Variants in OSGIN2 observed in about 807,000 individuals in gnomAD.
The protein encoded by OSGIN2 is oxidative stress induced growth inhibitor family member 2.
OSGIN2 carries 19 observed loss-of-function variants against 53.8 expected under a neutral mutation model. The ratio of observed to expected loss-of-function variants is 0.35; its 90% confidence interval spans 0.25 to 0.52. The LOEUF is 0.52. Among genes scored for constraint, OSGIN2 ranks in the 20% least tolerant of loss-of-function variants. The pLI is 0.95. For missense variants in OSGIN2, 520 were observed against 662.7 expected (o/e 0.78, Z 2.36); for synonymous variants, 236 against 236.0 (o/e 1.00, Z 0.00).
chr8:89,910,121 T>C (rs1028594750), intron 2 of OSGIN2, among the ~76,000 whole-genome samples: 1 of 152,182 alleles, frequency 6.6e-6, no homozygotes. Flanking sequence ...GACACAGATG[T>C]TGAGTAACGT....
At chr8:89,909,760 T>C (rs755524482) in intron 2 of OSGIN2, 39 bp downstream of exon 2, 2 of 1,317,284 alleles carry the variant, frequency 1.5e-6, no homozygotes, top group South Asian at 1.3e-5. Flanking sequence ...TTATAGTTAA[T>C]GACCCTTAAT....
At chr8:89,904,804 CTG>C (rs1808801218) in intron 1 of OSGIN2, among the ~76,000 whole-genome samples, 2 of 152,098 alleles carry the variant, frequency 1.3e-5, no homozygotes. Flanking sequence ...CAGAGTGAGA[CTG>C]TCTCAAAAAA....
At chr8:89,910,724 T>G (rs1214676366) in intron 2 of OSGIN2, among the ~76,000 whole-genome samples, 3 of 152,350 alleles carry the variant, frequency 2.0e-5, no homozygotes, top group Middle Eastern at 3.4e-3. Flanking sequence ...GAATCCTGTC[T>G]TCTTGTGTGG....
chr8:89,912,388 C>T (rs920725181), intron 2 of OSGIN2, among the ~76,000 whole-genome samples: 6 of 152,228 alleles, frequency 3.9e-5, no homozygotes, highest in East Asian at 1.9e-4. Context: ...GAGACCATGG[C>T]GTTGCAGTAA....
At chr8:89,903,716 GCAA>G (rs971128408) in intron 1 of OSGIN2, among the ~76,000 whole-genome samples, 3 of 152,246 alleles carry the variant, frequency 2.0e-5, no homozygotes, top group South Asian at 4.1e-4. Context: ...TAAAATATAA[GCAA>G]CAAATCACAG....
At position 89,926,572 on chromosome 8, in the gene OSGIN2, C is replaced by T. The variant is rs1209259415; in HGVS notation, c.*1040C>T. 6.6e-6 allele frequency: 1 copy of T among 152,488 alleles called. No individual in the cohort carries two copies. The highest frequency in any genetic ancestry group is 2.4e-5 in the African/African-American group (1 of 41,424). The allele number at this position is 152,488 out of a possible 1,614,324, so 9.4% of individuals were successfully genotyped here. On this transcript the variant is annotated 3_prime_UTR_variant, in exon 6 of 6. Coordinates refer to ENST00000451899, the MANE Select transcript of OSGIN2 (RefSeq NM_001126111.3). Reference sequence around the variant, plus strand: ...ATTCCAAAGGTGTACTTAGAGATCTCTATTAGTATTCATTCGAGATGACAT... The same window carrying T: ...ATTCCAAAGGTGTACTTAGAGATCTTTATTAGTATTCATTCGAGATGACAT...
At position 89,914,740 on chromosome 8, in the gene OSGIN2, T is replaced by C. The variant is rs945482458; in HGVS notation, c.522T>C (p.Ala174=). ...VVLGKGPPGG[A]WHNMEGSMLT... Reference sequence around the variant, plus strand: ...TTGGTAAAGGTCCACCTGGTGGGGCTTGGCATGTGAGTATATTTTTCTTAG... The same window carrying C: ...TTGGTAAAGGTCCACCTGGTGGGGCCTGGCATGTGAGTATATTTTTCTTAG... The change falls in exon 4 of 6, where the codon GCT becomes GCC. Residue 174 remains alanine, a synonymous_variant. Coordinates refer to ENST00000451899, the MANE Select transcript of OSGIN2 (RefSeq NM_001126111.3). 1 of 1,611,962 alleles carries C rather than the reference T, an allele frequency of 6.2e-7. No individual in the cohort carries two copies. Among genetic ancestry groups the C allele is most frequent in the Admixed American group, 1.7e-5 (1 of 59,940 alleles).
chr8:89,911,671 AC>A, intron 2 of OSGIN2, among the ~76,000 whole-genome samples: 1 of 149,268 alleles, frequency 6.7e-6, no homozygotes, highest in Admixed American at 6.7e-5. Context: ...CTGGTAGCTC[AC>A]ACCTGTAATC....
chr8:89,912,415 C>T (rs1808985520), intron 2 of OSGIN2, among the ~76,000 whole-genome samples: 1 of 152,108 alleles, frequency 6.6e-6, no homozygotes, highest in South Asian at 2.1e-4. Flanking sequence ...TGACACAAGG[C>T]CAGCCCATGT....
chr8:89,905,197 T>C (rs1298604412), intron 1 of OSGIN2, among the ~76,000 whole-genome samples: 2 of 152,206 alleles, frequency 1.3e-5, no homozygotes, highest in Non-Finnish European at 2.9e-5. Flanking sequence ...TGCTGTAATG[T>C]TTCAAAAACA....
In OSGIN2 at chr8:89,902,773, G is replaced by C. The variant is rs1172795627; in HGVS notation, c.-21G>C. 3 of 1,237,174 alleles carry C rather than the reference G, an allele frequency of 2.4e-6. No homozygotes were observed. Among genetic ancestry groups the C allele is most frequent in the East Asian group, 3.2e-5 (1 of 30,938 alleles). The allele number at this position is 1,237,174 out of a possible 1,614,324, so 76.6% of individuals were successfully genotyped here. On this transcript the variant is annotated 5_prime_UTR_variant, in exon 1 of 6. Transcript: ENST00000451899. Reference sequence around the variant, plus strand: ...AGGCGGCCACGGCGGCCGCGCTCGGGCGCCCCTCGCGCAGCGCTCCATGCC... The same window carrying C: ...AGGCGGCCACGGCGGCCGCGCTCGGCCGCCCCTCGCGCAGCGCTCCATGCC...
chr8:89,905,966 G>A (rs1348525962), intron 1 of OSGIN2, among the ~76,000 whole-genome samples: 5 of 150,666 alleles, frequency 3.3e-5, no homozygotes, highest in Non-Finnish European at 2.9e-5. Context: ...AAATACATAA[G>A]AATAAATTTA....
chr8:89,917,069 T>C (rs981536587), intron 4 of OSGIN2, among the ~76,000 whole-genome samples: 1 of 152,220 alleles, frequency 6.6e-6, no homozygotes, highest in Non-Finnish European at 1.5e-5. Context: ...ACCTAATTCA[T>C]GGGTCTTCCA....
At position 89,927,310 on chromosome 8, in the gene OSGIN2, C is replaced by G. The variant is rs979552886; in HGVS notation, c.*1778C>G. The G allele has an allele frequency of 2.7e-5, 4 of 148,584 alleles. No individual in the cohort carries two copies. Among genetic ancestry groups the G allele is most frequent in the African/African-American group, 1.0e-4 (4 of 39,954 alleles). The allele number at this position is 148,584 out of a possible 1,614,324, so 9.2% of individuals were successfully genotyped here. A position where few individuals can be genotyped will look rare whatever the true frequency, so the allele number is the denominator to read the frequency against. Reference sequence around the variant, plus strand: ...AGTATTTGTTAAAAAAAAAAAAAGACTTCAAGAAAAATAAAAGTTCAGTGG... The same window carrying G: ...AGTATTTGTTAAAAAAAAAAAAAGAGTTCAAGAAAAATAAAAGTTCAGTGG... On this transcript the variant is annotated 3_prime_UTR_variant, in exon 6 of 6. Coordinates refer to ENST00000451899, the MANE Select transcript of OSGIN2 (RefSeq NM_001126111.3).
chr8:89,917,812 TA>T (rs1289316225), intron 4 of OSGIN2, among the ~76,000 whole-genome samples: 2 of 152,154 alleles, frequency 1.3e-5, no homozygotes, highest in African/African-American at 2.4e-5. Flanking sequence ...GAAGAGATAT[TA>T]CTACTAAGGC....
At chr8:89,921,978 CA>C (rs34155159) in intron 5 of OSGIN2, among the ~76,000 whole-genome samples, 4 of 145,224 alleles carry the variant, frequency 2.8e-5, no homozygotes, top group African/African-American at 2.6e-5. Context: ...GACTCTGTCT[CA>C]AAAAAAAAAG....
At chr8:89,912,762 GAA>G (rs1045263397) in intron 2 of OSGIN2, among the ~76,000 whole-genome samples, 11 of 151,598 alleles carry the variant, frequency 7.3e-5, no homozygotes, top group African/African-American at 2.7e-4. Context: ...AAAACACAAC[GAA>G]AAAAACAAAA....
chr8:89,916,538 A>G (rs184162552), intron 4 of OSGIN2, among the ~76,000 whole-genome samples: 3 of 152,204 alleles, frequency 2.0e-5, no homozygotes, highest in East Asian at 1.9e-4. Flanking sequence ...TTATGCGACC[A>G]TCTCCCCTGC....
chr8:89,911,621 T>C (rs1808969025), intron 2 of OSGIN2, among the ~76,000 whole-genome samples: 1 of 121,800 alleles, frequency 8.2e-6, no homozygotes, highest in African/African-American at 3.3e-5. Context: ...CAAGTGAAAC[T>C]CTGTCTAAAA....
Sources: allele counts gnomAD v4.1 joint callset (sites outside exome capture counted in the v4.1 genomes callset), GRCh38; gene constraint gnomAD v4.1.1; transcripts MANE v1.5; gene names NCBI Gene and HGNC (gene_info 2026-07-23, HGNC 2026-07-21).